Variants in TAB2 observed in about 807,000 individuals in gnomAD.
The protein encoded by TAB2 is TGF-beta activated kinase 1 (MAP3K7) binding protein 2.
TAB2 carries 3 observed loss-of-function variants against 65.0 expected under a neutral mutation model. The ratio of observed to expected loss-of-function variants is 0.05; its 90% confidence interval spans 0.02 to 0.12. The LOEUF is 0.12. Among genes scored for constraint, TAB2 ranks in the 10% least tolerant of loss-of-function variants. The pLI is 1.00. For synonymous variants in TAB2, 298 were observed against 285.1 expected (o/e 1.05, Z -0.46); for missense variants, 623 against 840.3 (o/e 0.74, Z 3.20).
intron 1 of TAB2, among the ~76,000 whole-genome samples, chr6:149,304,979 T>C (rs1171485637): frequency 2.6e-5 from 4 of 152,258 alleles, no homozygotes; most frequent in African/African-American, 9.6e-5. Context: ...TTATAATCTA[T>C]GATTTATGAT....
intron 3 of TAB2, among the ~76,000 whole-genome samples, chr6:149,391,217 A>G (rs968148765): frequency 6.6e-6 from 1 of 152,176 alleles, no homozygotes; most frequent in African/African-American, 2.4e-5. Flanking sequence ...TCTGGTGTCA[A>G]TATGATTATT....
intron 1 of TAB2, among the ~76,000 whole-genome samples, chr6:149,305,393 T>C (rs1003897238): frequency 5.3e-5 from 8 of 152,192 alleles, no homozygotes; most frequent in African/African-American, 1.4e-4. Flanking sequence ...CTGCATTAGT[T>C]TGTCACTTTG....
intron 6 of TAB2, chr6:149,400,708 C>G: frequency 6.2e-7 from 1 of 1,602,536 alleles, no homozygotes; most frequent in South Asian, 1.1e-5. Flanking sequence ...TACTCCAGAA[C>G]GCTGTTCTTT....
intron 1 of TAB2, among the ~76,000 whole-genome samples, chr6:149,357,430 A>AAAAAAAGACACACACAC: frequency 9.0e-6 from 1 of 111,146 alleles, no homozygotes; most frequent in African/African-American, 3.4e-5. Context: ...AGAAAAAAAA[A>AAAAAAAGACACACACAC]ACACACACAC....
intron 1 of TAB2, among the ~76,000 whole-genome samples, chr6:149,329,251 T>C (rs1779712103): frequency 6.6e-6 from 1 of 152,212 alleles, no homozygotes; most frequent in Admixed American, 6.5e-5. Flanking sequence ...GAGGCAGGCA[T>C]ATAAGTATCT....
At chr6:149,348,217 A>C (rs559621621) in intron 1 of TAB2, among the ~76,000 whole-genome samples, 13 of 152,104 alleles carry the variant, frequency 8.5e-5, no homozygotes, top group African/African-American at 2.9e-4. Context: ...ATATAGGGAG[A>C]GCCTACCAAA....
chr6:149,361,545 A>G (rs1249854644), intron 1 of TAB2, among the ~76,000 whole-genome samples: 2 of 152,248 alleles, frequency 1.3e-5, no homozygotes, highest in Middle Eastern at 3.4e-3. Flanking sequence ...GGCTGCTGCA[A>G]AGATCTCTGA....
intron 1 of TAB2, among the ~76,000 whole-genome samples, chr6:149,265,345 C>T (rs549459000): frequency 1.3e-5 from 2 of 152,132 alleles, no homozygotes; most frequent in African/African-American, 2.4e-5. Flanking sequence ...ATTTCCATAA[C>T]GTAAGTCTAC....
At chr6:149,278,504 A>G (rs1247222531) in intron 1 of TAB2, among the ~76,000 whole-genome samples, 1 of 152,244 alleles carries the variant, frequency 6.6e-6, no homozygotes, top group Non-Finnish European at 1.5e-5. Flanking sequence ...GAAGGAGGAG[A>G]AGATCTCATC....
At chr6:149,357,430 A>AACACACACACACACACACAC (rs1554261742) in intron 1 of TAB2, among the ~76,000 whole-genome samples, 3 of 111,176 alleles carry the variant, frequency 2.7e-5, no homozygotes, top group African/African-American at 1.0e-4. Flanking sequence ...AGAAAAAAAA[A>AACACACACACACACACACAC]ACACACACAC....
intron 6 of TAB2, among the ~76,000 whole-genome samples, chr6:149,399,528 GT>G (rs1170479029): frequency 7.8e-6 from 1 of 127,832 alleles, no homozygotes; most frequent in African/African-American, 2.8e-5. Context: ...CCTTAGGGAA[GT>G]TCCCCCCCCC....
intron 1 of TAB2, among the ~76,000 whole-genome samples, chr6:149,286,949 C>T (rs1171621311): frequency 6.6e-6 from 1 of 152,022 alleles, no homozygotes. Context: ...AACCCCGTTT[C>T]TACTAAAAAA....
chr6:149,411,334 C>A lies in TAB2; in HGVS notation c.*1615C>A, dbSNP rs1782856353. On this transcript the variant is annotated 3_prime_UTR_variant, in exon 7 of 7. Transcript: ENST00000637181. Reference sequence around the variant, plus strand: ...GAATGTCAGAGCCCTAACTTTCAGGCTTTGCATTTTGTATATGGGAAGAAA... The same window carrying A: ...GAATGTCAGAGCCCTAACTTTCAGGATTTGCATTTTGTATATGGGAAGAAA... The A allele has an allele frequency of 6.6e-6, 1 of 152,466 alleles. No homozygotes were observed. The highest frequency in any genetic ancestry group is 2.4e-5 in the African/African-American group (1 of 41,402). 9.4% of individuals were successfully genotyped at this position (152,466 alleles called of 1,614,324 possible).
At chr6:149,337,929 A>T (rs1450367125) in intron 1 of TAB2, among the ~76,000 whole-genome samples, 1 of 152,300 alleles carries the variant, frequency 6.6e-6, no homozygotes, top group East Asian at 1.9e-4. Flanking sequence ...ACTTGGTGGT[A>T]TGGGAGCTGA....
intron 3 of TAB2, among the ~76,000 whole-genome samples, chr6:149,390,963 T>G (rs1210674335): frequency 2.6e-5 from 4 of 152,204 alleles, no homozygotes; most frequent in Non-Finnish European, 5.9e-5. Flanking sequence ...TCCTGGAGTC[T>G]TCTCTTCCCT....
Position 149,369,959 on chromosome 6 carries a change from TG to T in TAB2, c.-38del. On this transcript the variant is annotated 5_prime_UTR_variant, in exon 2 of 7. Transcript: ENST00000637181. ...TACTATTTCCACTAAGGCCTAGAAT[TG>T]CCTACTGTACAAATAGTCCTGATCA... 6.5e-7 allele frequency: 1 copy of T among 1,543,744 alleles called. No homozygotes were observed. Among genetic ancestry groups the T allele is most frequent in the Non-Finnish European group, 9.0e-7 (1 of 1,115,984 alleles).
At chr6:149,308,504 ATT>A (rs906259450) in intron 1 of TAB2, among the ~76,000 whole-genome samples, 5 of 120,144 alleles carry the variant, frequency 4.2e-5, no homozygotes, top group African/African-American at 1.7e-4. Flanking sequence ...TTTTCTATTT[ATT>A]TATTTATTTA....
chr6:149,249,018 G>C (rs1335593172), intron 1 of TAB2, among the ~76,000 whole-genome samples: 3 of 151,038 alleles, frequency 2.0e-5, no homozygotes, highest in African/African-American at 7.3e-5. Flanking sequence ...ACACAGCCAT[G>C]CTTGCAAGAT....
At chr6:149,302,152 A>C (rs1410698888) in intron 1 of TAB2, among the ~76,000 whole-genome samples, 1 of 152,188 alleles carries the variant, frequency 6.6e-6, no homozygotes, top group African/African-American at 2.4e-5. Flanking sequence ...AGACACTGTC[A>C]TTTTCCCAAA....
Sources: gnomAD v4.1 joint callset for allele counts (sites outside exome capture counted in the v4.1 genomes callset) on GRCh38, gnomAD v4.1.1 for gene constraint, MANE v1.5 for transcripts, NCBI Gene and HGNC (gene_info 2026-07-23, HGNC 2026-07-21) for gene names.